Variants in IQSEC1 observed in about 807,000 individuals in gnomAD.
The protein encoded by IQSEC1 is IQ motif and SEC7 domain-containing protein 1.
Under a neutral mutation model 91.0 loss-of-function variants are expected in IQSEC1, and 31 were observed. The observed-to-expected ratio is 0.34, with a 90% CI of 0.26 to 0.46. The LOEUF (loss-of-function observed/expected upper bound fraction) is 0.46, where lower values mean the gene tolerates loss of function less well. Among genes scored for constraint, IQSEC1 ranks in the 20% least tolerant of loss-of-function variants. The probability of loss-of-function intolerance (pLI) is 1.00; values close to 1 mark genes in which losing one functional copy is unlikely to be tolerated. For synonymous variants in IQSEC1, 699 were observed against 662.6 expected (o/e 1.05, Z -0.84); for missense variants, 1,388 against 1,575.6 (o/e 0.88, Z 2.02).
chr3:13,227,375 CAAAAA>C (rs753199634), intron 1 of IQSEC1, among the ~76,000 whole-genome samples: 3 of 70,070 alleles, frequency 4.3e-5, no homozygotes, highest in African/African-American at 6.4e-5. Flanking sequence ...GACTCTGTCT[CAAAAA>C]AAAAAAAAAA....
At chr3:12,913,299 G>A (rs1465794381) in intron 9 of IQSEC1, 129 bp downstream of exon 9, 2 of 967,954 alleles carry the variant, frequency 2.1e-6, no homozygotes, top group African/African-American at 1.7e-5. Flanking sequence ...CAGTGTGAAA[G>A]ACACCAGGCA....
chr3:13,199,152 T>C (rs1403239525), intron 1 of IQSEC1, among the ~76,000 whole-genome samples: 1 of 152,056 alleles, frequency 6.6e-6, no homozygotes, highest in Non-Finnish European at 1.5e-5. Context: ...AGTGAAAAAG[T>C]AAGACCAGCC....
chr3:13,183,170 T>TAAACAAAC (rs1161577059), intron 1 of IQSEC1, among the ~76,000 whole-genome samples: 2 of 132,612 alleles, frequency 1.5e-5, no homozygotes, highest in African/African-American at 5.9e-5. Context: ...TCCCCACCAA[T>TAAACAAAC]AAATAAACAA....
chr3:13,057,009 C>A (rs1337473145), intron 1 of IQSEC1, among the ~76,000 whole-genome samples: 1 of 152,110 alleles, frequency 6.6e-6, no homozygotes. Context: ...ATCTTTTGGG[C>A]CCCCTTATAG....
intron 1 of IQSEC1, among the ~76,000 whole-genome samples, chr3:13,210,576 T>G (rs901938962): frequency 1.3e-5 from 2 of 152,320 alleles, no homozygotes; most frequent in East Asian, 3.9e-4. Flanking sequence ...CTCCAGCAAC[T>G]ACTCTAGATT....
At position 12,897,821 on chromosome 3, in the gene IQSEC1, G is replaced by GTGT; in HGVS notation, c.*3159_*3161dup. Reference sequence around the variant, plus strand: ...ACAAGAGGCTCCTGCTGCATGCAGTGTGTGAGGGAAAGATCACTGCACTGG... The same window carrying GTGT: ...ACAAGAGGCTCCTGCTGCATGCAGTGTGTTGTGAGGGAAAGATCACTGCACTGG... On this transcript the variant is annotated 3_prime_UTR_variant, in exon 14 of 14. Transcript: ENST00000613206. 6.6e-6 allele frequency: 1 copy of GTGT among 152,316 alleles called. No individual in the cohort carries two copies. The highest frequency in any genetic ancestry group is 6.5e-5 in the Admixed American group (1 of 15,298). The allele number at this position is 152,316 out of a possible 1,614,324, so 9.4% of individuals were successfully genotyped here.
At chr3:13,004,707 G>A (rs1015824454) in intron 1 of IQSEC1, among the ~76,000 whole-genome samples, 29 of 152,306 alleles carry the variant, frequency 1.9e-4, no homozygotes, top group Middle Eastern at 3.4e-3. Context: ...AGGTGGGAGG[G>A]AGGGTGGCTG....
intron 2 of IQSEC1, among the ~76,000 whole-genome samples, chr3:13,163,035 C>G (rs1422716607): frequency 6.6e-6 from 1 of 152,140 alleles, no homozygotes. Flanking sequence ...TCTGAGCATG[C>G]CTCTGCTTCC....
intron 2 of IQSEC1, among the ~76,000 whole-genome samples, chr3:13,107,601 C>T (rs1706172711): frequency 6.6e-6 from 1 of 152,208 alleles, no homozygotes; most frequent in Non-Finnish European, 1.5e-5. Context: ...AGAGGCTTTG[C>T]TCAGCACCAA....
exon 1 of IQSEC1, among the ~76,000 whole-genome samples, chr3:13,283,044 G>A (rs1320500992): frequency 8.3e-5 from 12 of 145,094 alleles, no homozygotes; most frequent in Admixed American, 8.2e-4. Context: ...GCGGCGGCGC[G>A]GCCATGGCTG....
intron 1 of IQSEC1, among the ~76,000 whole-genome samples, chr3:13,237,276 T>C (rs1694947414): frequency 6.6e-6 from 1 of 152,174 alleles, no homozygotes; most frequent in Admixed American, 6.5e-5. Flanking sequence ...ACGGGGTCAC[T>C]GAGCTGACAG....
chr3:13,183,265 G>C (rs1693877275), intron 1 of IQSEC1, among the ~76,000 whole-genome samples: 1 of 152,044 alleles, frequency 6.6e-6, no homozygotes, highest in Non-Finnish European at 1.5e-5. Flanking sequence ...TCCAAAGCAA[G>C]TAGAAAGGAG....
At chr3:12,941,530 C>T (rs757670670) in intron 2 of IQSEC1, 41 bp downstream of exon 2, 20 of 1,496,244 alleles carry the variant, frequency 1.3e-5, no homozygotes, top group Non-Finnish European at 1.8e-5. Flanking sequence ...CAGAGCTGCC[C>T]TGCGCTTGCA....
intron 1 of IQSEC1, among the ~76,000 whole-genome samples, chr3:12,946,505 A>C (rs1699192455): frequency 6.6e-6 from 1 of 152,168 alleles, no homozygotes; most frequent in South Asian, 2.1e-4. Context: ...AAATAAGACC[A>C]ATGTGTGCAG....
intron 1 of IQSEC1, among the ~76,000 whole-genome samples, chr3:13,056,035 C>T (rs1440986675): frequency 6.6e-6 from 1 of 152,100 alleles, no homozygotes; most frequent in East Asian, 1.9e-4. Context: ...CTTCTTAAGA[C>T]AGCAGCACGA....
intron 1 of IQSEC1, among the ~76,000 whole-genome samples, chr3:13,268,710 G>T (rs928712042): frequency 6.6e-6 from 1 of 152,220 alleles, no homozygotes; most frequent in Non-Finnish European, 1.5e-5. Context: ...CAAGTCCTTT[G>T]CCCCTAGGGG....
intron 1 of IQSEC1, among the ~76,000 whole-genome samples, chr3:13,024,814 C>T (rs373127747): frequency 1.2e-4 from 18 of 152,322 alleles, no homozygotes; most frequent in African/African-American, 4.3e-4. Flanking sequence ...TCCTCGGGGG[C>T]TCATCCTTGA....
chr3:13,201,310 A>T (rs1694242543), intron 1 of IQSEC1, among the ~76,000 whole-genome samples: 2 of 152,088 alleles, frequency 1.3e-5, no homozygotes, highest in Non-Finnish European at 2.9e-5. Context: ...GGGAGGAGAC[A>T]TTGGGAAAGG....
chr3:13,152,990 T>C (rs955723567), intron 2 of IQSEC1, among the ~76,000 whole-genome samples: 5 of 152,148 alleles, frequency 3.3e-5, no homozygotes, highest in Admixed American at 6.5e-5. Context: ...AGTGAATACC[T>C]CTGGGCTGTC....
Sources: allele counts gnomAD v4.1 joint callset (sites outside exome capture counted in the v4.1 genomes callset), GRCh38; gene constraint gnomAD v4.1.1; transcripts MANE v1.5; gene names NCBI Gene and HGNC (gene_info 2026-07-23, HGNC 2026-07-21).